Variants in RMDN2 observed in about 807,000 individuals in gnomAD.
RMDN2 encodes regulator of microtubule dynamics protein 2.
In RMDN2, 61 loss-of-function variants were observed where a neutral mutation model predicts 52.8. That is an observed-to-expected ratio of 1.16 (90% confidence interval 0.94 to 1.43). The LOEUF is 1.43. Ranked by LOEUF, RMDN2 falls within the 40% of genes most tolerant of loss-of-function variation. RMDN2 has a pLI of 0.00. For synonymous variants in RMDN2, 180 were observed against 153.1 expected, an observed-to-expected ratio of 1.18 and a Z score of -1.30; for missense variants, 592 against 475.3, an observed-to-expected ratio of 1.25 and a Z score of -2.28.
intron 5 of RMDN2, among the ~76,000 whole-genome samples, chr2:37,985,990 G>A (rs925996323): frequency 6.6e-5 from 10 of 152,098 alleles, no homozygotes; most frequent in Non-Finnish European, 1.5e-4. Flanking sequence ...TAACAATAGG[G>A]AAAACTAGGT....
intron 2 of RMDN2, among the ~76,000 whole-genome samples, chr2:37,944,987 T>C (rs866950616): frequency 2.6e-5 from 4 of 152,172 alleles, no homozygotes; most frequent in African/African-American, 9.7e-5. Context: ...ACCTGACCTT[T>C]TTAGTAGCAG....
intron 5 of RMDN2, among the ~76,000 whole-genome samples, chr2:37,987,857 G>A (rs745526707): frequency 1.3e-5 from 2 of 150,402 alleles, no homozygotes; most frequent in Non-Finnish European, 2.9e-5. Context: ...TCAGGAGTTC[G>A]AGACCAGTCT....
At chr2:37,937,351 T>C (rs556591039) in intron 2 of RMDN2, among the ~76,000 whole-genome samples, 11 of 152,330 alleles carry the variant, frequency 7.2e-5, no homozygotes, top group Non-Finnish European at 1.2e-4. Context: ...CTTGGTTCTT[T>C]TTGCTTAGGA....
downstream of RMDN2, among the ~76,000 whole-genome samples, chr2:38,021,120 C>T (rs1291136976): frequency 1.3e-5 from 2 of 152,182 alleles, no homozygotes; most frequent in Non-Finnish European, 2.9e-5. Flanking sequence ...CCAATCAACA[C>T]TCTGTAGCTA....
intron 2 of RMDN2, among the ~76,000 whole-genome samples, chr2:37,960,463 C>A (rs1260109208): frequency 6.6e-6 from 1 of 151,700 alleles, no homozygotes; most frequent in East Asian, 1.9e-4. Context: ...GGATTGCAAC[C>A]CCTGCTTTTT....
chr2:37,983,836 C>G (rs1434288713), intron 5 of RMDN2, among the ~76,000 whole-genome samples: 1 of 152,152 alleles, frequency 6.6e-6, no homozygotes, highest in Non-Finnish European at 1.5e-5. Flanking sequence ...TATTCTCATT[C>G]ATTCAGCATG....
At chr2:38,011,449 C>T (rs1421842406) in intron 10 of RMDN2, among the ~76,000 whole-genome samples, 2 of 152,148 alleles carry the variant, frequency 1.3e-5, no homozygotes, top group Non-Finnish European at 2.9e-5. Flanking sequence ...CTATCATCCT[C>T]TAAATCATTA....
At chr2:37,968,630 A>G (rs1229663071) in intron 2 of RMDN2, among the ~76,000 whole-genome samples, 1 of 152,098 alleles carries the variant, frequency 6.6e-6, no homozygotes, top group Non-Finnish European at 1.5e-5. Context: ...TGTTGTTGCT[A>G]TTGAAATAAA....
At chr2:38,020,211 A>G (rs1679241071), downstream of RMDN2, among the ~76,000 whole-genome samples, 1 of 152,156 alleles carries the variant, frequency 6.6e-6, no homozygotes, top group African/African-American at 2.4e-5. Context: ...TGTAATATAT[A>G]ATGAAATAAT....
At chr2:37,963,904 G>GCCA (rs1553358110) in intron 2 of RMDN2, among the ~76,000 whole-genome samples, 1 of 148,694 alleles carries the variant, frequency 6.7e-6, no homozygotes. Context: ...GGGCAGAGGC[G>GCCA]CCCCCCCACC....
chr2:38,043,811 C>T (rs1387983830), intron 10 of RMDN2, among the ~76,000 whole-genome samples: 1 of 152,014 alleles, frequency 6.6e-6, no homozygotes, highest in Admixed American at 6.6e-5. Context: ...TTTAACATTG[C>T]TGTCATTCAT....
chr2:37,985,860 A>G (rs1247675491), intron 5 of RMDN2, among the ~76,000 whole-genome samples: 1 of 152,172 alleles, frequency 6.6e-6, no homozygotes, highest in Non-Finnish European at 1.5e-5. Context: ...AGAAATTTGA[A>G]TAAAATATAG....
chr2:38,051,896 C>G (rs1158846328), intron 10 of RMDN2, among the ~76,000 whole-genome samples: 1 of 151,862 alleles, frequency 6.6e-6, no homozygotes, highest in East Asian at 1.9e-4. Context: ...GGGTATATAC[C>G]ACACTTTTTA....
At chr2:37,963,128 C>T (rs11691244) in intron 2 of RMDN2, 60,022 of 150,818 alleles carry the variant, frequency 0.4, 12,859 homozygotes, top group South Asian at 0.52. Context: ...AGCTGCAGAC[C>T]GGAGCTGTTC....
intron 10 of RMDN2, among the ~76,000 whole-genome samples, chr2:38,060,807 GAA>G (rs1448007630): frequency 7.5e-6 from 1 of 132,756 alleles, no homozygotes; most frequent in Non-Finnish European, 1.6e-5. Flanking sequence ...AGACAGCCAG[GAA>G]AGCATGCTGG....
At chr2:37,982,529 G>C (rs1673460958) in intron 5 of RMDN2, among the ~76,000 whole-genome samples, 3 of 152,078 alleles carry the variant, frequency 2.0e-5, no homozygotes, top group African/African-American at 2.4e-5. Context: ...CCTCCCTCTG[G>C]TGAATTATTT....
chr2:37,930,274 G>A (rs1208659444), intron 2 of RMDN2, among the ~76,000 whole-genome samples: 1 of 152,166 alleles, frequency 6.6e-6, no homozygotes, highest in Admixed American at 6.5e-5. Context: ...CTGAATTTTA[G>A]TGCAGGTCAA....
intron 10 of RMDN2, among the ~76,000 whole-genome samples, chr2:38,013,998 G>A (rs1375251994): frequency 6.6e-6 from 1 of 152,112 alleles, no homozygotes; most frequent in Non-Finnish European, 1.5e-5. Context: ...CCTGAGGTCG[G>A]GAGTTCGAGA....
chr2:37,975,909 C>A (rs1022609978), intron 4 of RMDN2, among the ~76,000 whole-genome samples: 2 of 152,106 alleles, frequency 1.3e-5, no homozygotes, highest in Non-Finnish European at 2.9e-5. Context: ...ACTTAAATTT[C>A]ATCTTTTAAC....
Sources: allele counts gnomAD v4.1 joint callset (sites outside exome capture counted in the v4.1 genomes callset), GRCh38; gene constraint gnomAD v4.1.1; transcripts MANE v1.5; gene names NCBI Gene and HGNC (gene_info 2026-07-23, HGNC 2026-07-21).